BBOF1: variants seen among roughly 807,000 people sequenced by gnomAD.
BBOF1 encodes basal body orientation factor 1.
In BBOF1, 62 loss-of-function variants were observed where a neutral mutation model predicts 68.0. The observed-to-expected ratio is 0.91, with a 90% CI of 0.74 to 1.13. The LOEUF (loss-of-function observed/expected upper bound fraction) is 1.13, where lower values mean the gene tolerates loss of function less well. BBOF1 is among the 50% of genes most tolerant of loss of function. The pLI, the probability that BBOF1 is intolerant of heterozygous loss-of-function variation, is 0.00. For missense variants in BBOF1, 534 were observed against 600.1 expected (o/e 0.89, Z 1.15); for synonymous variants, 208 against 198.8 (o/e 1.05, Z -0.39).
chr14:74,075,053 G>A (rs776154938), intron 9 of BBOF1: 14 of 1,601,032 alleles, frequency 8.7e-6, no homozygotes, highest in Admixed American at 1.7e-5. Context: ...TGATAAATGA[G>A]AGCAGAAAGT....
chr14:74,067,438 T>C (rs776977128), downstream of BBOF1: 4 of 1,614,130 alleles, frequency 2.5e-6, no homozygotes, highest in Non-Finnish European at 3.4e-6. Flanking sequence ...ACTTCTTGGC[T>C]TCTCCCACAA....
At position 74,077,858 on chromosome 14, in the gene BBOF1, C is replaced by T. The variant is rs1018969844; in HGVS notation, n.1380-338C>T. 2.0e-5 allele frequency among the ~76,000 whole-genome samples: 3 copies of T among 152,320 alleles called. No homozygotes were observed. The South Asian group carries it at 6.2e-4, about 32-fold the overall frequency. On this transcript the variant is annotated intron_variant and non_coding_transcript_variant, in intron 9 of 12. Transcript: ENST00000492026. ...ACACTGCATCTGTCTTGTTCACCTA[C>T]TTCAGAGTTAAAGATTAAACCTGAT...
At chr14:74,057,632 G>T in intron 11 of BBOF1, 1 of 1,333,220 alleles carries the variant, frequency 7.5e-7, no homozygotes, top group Non-Finnish European at 9.8e-7. Context: ...AGGCTTATAA[G>T]GAGATATGAA....
chr14:74,023,213 T>C, intron 2 of BBOF1, 69 bp downstream of exon 2: 1 of 855,368 alleles, frequency 1.2e-6, no homozygotes, highest in East Asian at 2.7e-5. Context: ...GGTTATGTAT[T>C]TCAAAGATTT....
intron 5 of BBOF1, chr14:74,040,859 C>G (rs1350146259): frequency 1.9e-6 from 1 of 521,180 alleles, no homozygotes; most frequent in East Asian, 3.2e-5. Context: ...GATTCTTGTC[C>G]TCTTCTGAAG....
At chr14:74,039,686 C>T (rs1424450829) in intron 4 of BBOF1, among the ~76,000 whole-genome samples, 1 of 152,020 alleles carries the variant, frequency 6.6e-6, no homozygotes, top group Non-Finnish European at 1.5e-5. Context: ...CATCCACCCG[C>T]CTCGGCCTCC....
chr14:74,031,784 G>A (rs1008782862), intron 3 of BBOF1: 1 of 152,004 alleles, frequency 6.6e-6, no homozygotes, highest in African/African-American at 2.4e-5. Flanking sequence ...ATCACACTGG[G>A]GATTAGGGCT....
chr14:74,070,870 A>T, downstream of BBOF1: 1 of 336,346 alleles, frequency 3.0e-6, no homozygotes, highest in East Asian at 7.3e-5. Flanking sequence ...AGTATCTCTG[A>T]GATCTGCAAA....
At chr14:74,022,818 A>G (rs1319172082) in intron 1 of BBOF1, 98 bp from the exon 2 acceptor site, 4 of 498,608 alleles carry the variant, frequency 8.0e-6, no homozygotes, top group Non-Finnish European at 1.3e-5. Flanking sequence ...AAATAAAAAA[A>G]GAGAAAAATT....
chr14:74,019,635 C>A (rs1290094732), intron 1 of BBOF1, 101 bp downstream of exon 1: 2 of 1,521,248 alleles, frequency 1.3e-6, no homozygotes, highest in Non-Finnish European at 8.9e-7. Flanking sequence ...CCACTCGGAC[C>A]CTCTCCCCGG....
intron 4 of BBOF1, among the ~76,000 whole-genome samples, chr14:74,039,652 G>A (rs2059789105): frequency 6.6e-6 from 1 of 151,562 alleles, no homozygotes; most frequent in African/African-American, 2.4e-5. Context: ...GGTCAGGCTG[G>A]TCTGGAACTC....
Position 74,045,769 on chromosome 14 carries a change from C to T in BBOF1, c.577-291C>T, listed in dbSNP as rs576607454. 3.3e-5 allele frequency among the ~76,000 whole-genome samples: 5 copies of T among 152,310 alleles called. No individual in the cohort carries two copies. The East Asian group carries it at 5.8e-4, about 18-fold the overall frequency. On this transcript the variant is annotated intron_variant, in intron 5 of 11. Coordinates refer to ENST00000394009, the MANE Select transcript of BBOF1 (RefSeq NM_025057.3). ...CCTGAATGAATAAATGAATGACTCT[C>T]ATTTCAGTGCATTTAGCAGAAATTC... is the stretch of plus-strand genomic sequence containing the variant.
Position 74,036,430 on chromosome 14 carries a change from C to T in BBOF1, c.495+2259C>T, listed in dbSNP as rs188897549. The stretch of plus-strand genomic sequence containing the variant: ...AGGCACAGTGGCTCACACCTGTAAT[C>T]CTAGCACTTTGGGAGTCCAAGGCAG... On this transcript the variant is annotated intron_variant, in intron 4 of 11. Coordinates refer to ENST00000394009, the MANE Select transcript of BBOF1 (RefSeq NM_025057.3). 4.6e-3 allele frequency among the ~76,000 whole-genome samples: 707 copies of T among 152,228 alleles called. 5 individuals are homozygous for T. The highest frequency in any genetic ancestry group is 5.2e-3 in the Non-Finnish European group (356 of 68,010).
chr14:74,073,428 A>G (rs745860686), intron 9 of BBOF1, among the ~76,000 whole-genome samples: 7 of 152,164 alleles, frequency 4.6e-5, no homozygotes, highest in Non-Finnish European at 8.8e-5. Context: ...AAGATGTGGC[A>G]CAGCCTCTCA....
intron 5 of BBOF1, chr14:74,040,851 T>C (rs2059812326): frequency 3.8e-6 from 2 of 526,004 alleles, no homozygotes; most frequent in Non-Finnish European, 6.6e-6. Flanking sequence ...CATTCAGAGA[T>C]TCTTGTCCTC....
intron 12 of BBOF1, among the ~76,000 whole-genome samples, chr14:74,081,742 T>C (rs1466969770): frequency 6.6e-6 from 1 of 152,186 alleles, no homozygotes; most frequent in African/African-American, 2.4e-5. Context: ...CTATTGTTTA[T>C]CACTTATTGC....
Position 74,050,196 on chromosome 14 carries a change from G to A in BBOF1, c.1286+1G>A. 2.6e-6 allele frequency: 4 copies of A among 1,529,324 alleles called. No individual in the cohort carries two copies. Among genetic ancestry groups the A allele is most frequent in the Non-Finnish European group, 3.5e-6 (4 of 1,140,102 alleles). The allele number at this position is 1,529,324 out of a possible 1,614,324, so 94.7% of individuals were successfully genotyped here. A position where few individuals can be genotyped will look rare whatever the true frequency, so the allele number is the denominator to read the frequency against. ...AGGATCTTCTGGAGGCCGAAAAATGGTACTAGCAATACTTTATTATTATCT... is the reference window on the plus strand; with the variant it reads ...AGGATCTTCTGGAGGCCGAAAAATGATACTAGCAATACTTTATTATTATCT... On this transcript the variant is annotated splice_donor_variant, in intron 8 of 11. Coordinates refer to ENST00000394009, the MANE Select transcript of BBOF1 (RefSeq NM_025057.3). LOFTEE classifies it high-confidence loss of function.
At chr14:74,059,355 T>G (rs1296117512) in intron 11 of BBOF1, 1 of 456,538 alleles carries the variant, frequency 2.2e-6, no homozygotes, top group East Asian at 7.0e-5. Flanking sequence ...GGAACAATCC[T>G]TGATTTCTGG....
At chr14:74,026,572 G>T (rs190836225) in intron 2 of BBOF1, among the ~76,000 whole-genome samples, 1 of 151,772 alleles carries the variant, frequency 6.6e-6, no homozygotes, top group Admixed American at 6.6e-5. Flanking sequence ...CAAAATATTA[G>T]GTTGGTGCAT....
Sources: gnomAD v4.1 joint callset for allele counts (sites outside exome capture counted in the v4.1 genomes callset) on GRCh38, gnomAD v4.1.1 for gene constraint, MANE v1.5 for transcripts, NCBI Gene and HGNC (gene_info 2026-07-23, HGNC 2026-07-21) for gene names.